Variants in KCNIP4 observed in about 807,000 individuals in gnomAD.
KCNIP4 encodes the protein Kv channel-interacting protein 4.
KCNIP4 carries 12 observed loss-of-function variants against 34.0 expected under a neutral mutation model. The ratio of observed to expected loss-of-function variants is 0.35; its 90% CI spans 0.23 to 0.57. KCNIP4 has a LOEUF of 0.57. Among genes scored for constraint, KCNIP4 ranks in the 20% least tolerant of loss-of-function variants. The pLI is 0.83. For synonymous variants in KCNIP4, 124 were observed against 102.2 expected (o/e 1.21, Z -1.29); for missense variants, 238 against 311.7 (o/e 0.76, Z 1.78).
At chr4:21,407,191 C>A (rs1049554020) in intron 1 of KCNIP4, among the ~76,000 whole-genome samples, 1 of 151,440 alleles carries the variant, frequency 6.6e-6, no homozygotes, top group Non-Finnish European at 1.5e-5. Context: ...TAGTATGCCT[C>A]TTGGCTCTAC....
intron 1 of KCNIP4, among the ~76,000 whole-genome samples, chr4:21,308,669 A>C (rs1161936203): frequency 6.6e-6 from 1 of 152,004 alleles, no homozygotes; most frequent in Admixed American, 6.6e-5. Context: ...CCCTTTCTGC[A>C]TTAATGTTAG....
intron 2 of KCNIP4, among the ~76,000 whole-genome samples, chr4:20,853,386 G>T (rs1056344772): frequency 5.9e-5 from 9 of 152,212 alleles, no homozygotes; most frequent in Middle Eastern, 3.4e-3. Context: ...AACACAGAGT[G>T]GGGGAAAGGA....
At chr4:21,238,111 A>C (rs1759513246) in intron 1 of KCNIP4, among the ~76,000 whole-genome samples, 1 of 152,198 alleles carries the variant, frequency 6.6e-6, no homozygotes, top group Non-Finnish European at 1.5e-5. Context: ...GCATATAAAC[A>C]GAACCAAAGA....
intron 1 of KCNIP4, among the ~76,000 whole-genome samples, chr4:20,991,773 G>T (rs1219398277): frequency 6.6e-6 from 1 of 152,156 alleles, no homozygotes; most frequent in Non-Finnish European, 1.5e-5. Flanking sequence ...ATGACAAATG[G>T]CATCTCCATG....
At chr4:21,711,075 T>C (rs1713683846) in intron 1 of KCNIP4, among the ~76,000 whole-genome samples, 1 of 152,250 alleles carries the variant, frequency 6.6e-6, no homozygotes, top group Non-Finnish European at 1.5e-5. Context: ...ATGTGATATG[T>C]ATGATCCTAC....
chr4:20,945,113 T>C (rs1732057065), intron 1 of KCNIP4, among the ~76,000 whole-genome samples: 1 of 152,172 alleles, frequency 6.6e-6, no homozygotes, highest in South Asian at 2.1e-4. Flanking sequence ...CAGAGTGTGG[T>C]TGATGAACCA....
intron 1 of KCNIP4, among the ~76,000 whole-genome samples, chr4:21,147,962 A>AAAG (rs1752496894): frequency 1.6e-5 from 2 of 123,920 alleles, no homozygotes; most frequent in African/African-American, 3.0e-5. Flanking sequence ...AAAAAAAAAG[A>AAAG]AAAAAAGTTC....
At chr4:21,835,454 C>G (rs1321674956) in intron 1 of KCNIP4, among the ~76,000 whole-genome samples, 1 of 151,946 alleles carries the variant, frequency 6.6e-6, no homozygotes, top group African/African-American at 2.4e-5. Context: ...AAAATTAAAG[C>G]TGTCCAATAC....
At chr4:21,339,146 G>C (rs1322525741) in intron 1 of KCNIP4, among the ~76,000 whole-genome samples, 2 of 152,130 alleles carry the variant, frequency 1.3e-5, no homozygotes, top group Non-Finnish European at 2.9e-5. Flanking sequence ...CATGATCGCT[G>C]TCTACTATAG....
At chr4:21,368,362 T>C (rs1560335162) in intron 1 of KCNIP4, among the ~76,000 whole-genome samples, 1 of 147,332 alleles carries the variant, frequency 6.8e-6, no homozygotes, top group East Asian at 2.0e-4. Flanking sequence ...CCATTTGTGA[T>C]TTAGAAAATC....
intron 1 of KCNIP4, among the ~76,000 whole-genome samples, chr4:20,937,620 T>C (rs928723517): frequency 3.9e-5 from 6 of 152,152 alleles, no homozygotes; most frequent in African/African-American, 1.4e-4. Flanking sequence ...TATGAAATTT[T>C]TGTCTTTATC....
chr4:21,025,178 A>C (rs1244973390), intron 1 of KCNIP4, among the ~76,000 whole-genome samples: 1 of 152,148 alleles, frequency 6.6e-6, no homozygotes, highest in Non-Finnish European at 1.5e-5. Context: ...GCCAACTGTC[A>C]CAATTTATGA....
chr4:20,971,246 T>C (rs1328749587), intron 1 of KCNIP4, among the ~76,000 whole-genome samples: 1 of 152,168 alleles, frequency 6.6e-6, no homozygotes, highest in Non-Finnish European at 1.5e-5. Context: ...GCCTCTTTTT[T>C]TCTGCCTGAG....
intron 4 of KCNIP4, chr4:20,752,765 A>C (rs938734425): frequency 6.6e-6 from 1 of 152,250 alleles, no homozygotes; most frequent in African/African-American, 2.4e-5. Flanking sequence ...GAAAGAAGCA[A>C]AGGCAAAGGA....
At chr4:20,748,566 A>G (rs1231359821) in intron 5 of KCNIP4, among the ~76,000 whole-genome samples, 17 of 7,530 alleles carry the variant, frequency 2.3e-3, no homozygotes, top group Non-Finnish European at 1.7e-3. Context: ...AATTTTATAT[A>G]TATATATATA....
intron 8 of KCNIP4, 47 bp from the exon 9 acceptor site, chr4:20,730,176 GA>G (rs2149248807): frequency 6.4e-7 from 1 of 1,567,760 alleles, no homozygotes; most frequent in Non-Finnish European, 8.6e-7. Flanking sequence ...TATCTGCAAG[GA>G]AAAGTACACT....
intron 2 of KCNIP4, among the ~76,000 whole-genome samples, chr4:20,851,809 T>C (rs1177475185): frequency 6.6e-6 from 1 of 152,196 alleles, no homozygotes; most frequent in African/African-American, 2.4e-5. Context: ...CATTTAATAA[T>C]AATCAGTTTT....
At chr4:21,330,519 G>T (rs899573169) in intron 1 of KCNIP4, among the ~76,000 whole-genome samples, 3 of 152,146 alleles carry the variant, frequency 2.0e-5, no homozygotes, top group Admixed American at 2.0e-4. Flanking sequence ...GGATAAATGA[G>T]TGATGACATT....
chr4:21,745,277 C>T (rs991172369), intron 1 of KCNIP4, among the ~76,000 whole-genome samples: 4 of 152,106 alleles, frequency 2.6e-5, no homozygotes, highest in Non-Finnish European at 5.9e-5. Flanking sequence ...GACAAGTGTC[C>T]TTCACTTGAA....
Sources: allele counts gnomAD v4.1 joint callset (sites outside exome capture counted in the v4.1 genomes callset), GRCh38; gene constraint gnomAD v4.1.1; transcripts MANE v1.5; gene names NCBI Gene and HGNC (gene_info 2026-07-23, HGNC 2026-07-21).